The following INSR variants were observed in gnomAD, a reference collection of about 807,000 sequenced individuals.
INSR encodes the protein IR.
In INSR, 67 loss-of-function variants were observed where a neutral mutation model predicts 142.6. The observed-to-expected ratio is 0.47, with a 90% CI of 0.39 to 0.58. The LOEUF (loss-of-function observed/expected upper bound fraction) is 0.58, where lower values mean the gene tolerates loss of function less well. Ranked by LOEUF, INSR falls within the 20% of genes least tolerant of loss-of-function variation. INSR has a pLI of 0.00. For synonymous variants in INSR, 756 were observed against 743.1 expected, an observed-to-expected ratio of 1.02 and a Z score of -0.28; for missense variants, 1,248 against 1,833.2, an observed-to-expected ratio of 0.68 and a Z score of 5.83.
At chr19:7,185,857 AAAGAG>A (rs1344682149) in intron 2 of INSR, among the ~76,000 whole-genome samples, 241 of 142,554 alleles carry the variant, frequency 1.7e-3, no homozygotes, top group African/African-American at 6.3e-3. Context: ...AAAAAAAAAA[AAAGAG>A]AGAGAGAGAC....
At chr19:7,185,747 G>A (rs2144993703) in intron 2 of INSR, among the ~76,000 whole-genome samples, 1 of 145,768 alleles carries the variant, frequency 6.9e-6, no homozygotes, top group Middle Eastern at 3.5e-3. Context: ...GGAGGCTGAG[G>A]CACGAGAATC....
intron 2 of INSR, among the ~76,000 whole-genome samples, chr19:7,200,316 G>A (rs945070925): frequency 1.3e-5 from 2 of 152,280 alleles, no homozygotes; most frequent in South Asian, 2.1e-4. Context: ...TTACCTGCTG[G>A]ATGACGCCCA....
chr19:7,163,047 C>T lies in INSR; in HGVS notation c.2014G>A (p.Asp672Asn). 6.2e-7 allele frequency: 1 copy of T among 1,613,584 alleles called. No individual in the cohort carries two copies. The highest frequency in any genetic ancestry group is 8.5e-7 in the Non-Finnish European group (1 of 1,179,936). Residue 672 changes from aspartate (D) to asparagine (N), a missense_variant, in exon 9 of 22, where the codon GAT becomes AAT. Asp to Asn is a conservative substitution (Grantham distance 23, BLOSUM62 1). This residue lies in a region of INSR where 1,069 missense variants were observed against 1,654.0 expected (regional missense o/e 0.65). Coordinates refer to ENST00000302850, the MANE Select transcript of INSR (RefSeq NM_000208.4). Reference protein sequence around the residue: ...QAEDSELFELDYCLKGLKLPS... With the variant: ...QAEDSELFELNYCLKGLKLPS... ...CTGCACTCACCTTTGAGGCAATAAT[C>T]CAGCTCGAACAGCTCACTGTCTTCC...
rs116083386 is a variant in INSR at position 7,215,049 on chromosome 19, G to A, written c.653-30412C>T. On this transcript the variant is annotated intron_variant, in intron 2 of 21. Coordinates refer to ENST00000302850, the MANE Select transcript of INSR (RefSeq NM_000208.4). ...ATAGCTCACTACAGCCTCGACCCCT[G>A]GGCTCAATGGATCTTCCTGCCTCAG... 3.1e-3 allele frequency among the ~76,000 whole-genome samples: 469 copies of A among 152,000 alleles called. 8 individuals carry two copies. Among genetic ancestry groups the A allele is most frequent in the African/African-American group, 0.011 (453 of 41,470 alleles).
intron 2 of INSR, among the ~76,000 whole-genome samples, chr19:7,221,537 G>A (rs1252453877): frequency 6.6e-6 from 1 of 151,898 alleles, no homozygotes; most frequent in African/African-American, 2.4e-5. Context: ...GCGAAACCCC[G>A]TCCCTACTAA....
intron 2 of INSR, among the ~76,000 whole-genome samples, chr19:7,197,561 GGAGTGTGTGTGTTTGGGTGT>G (rs1974796072): frequency 1.2e-5 from 1 of 84,702 alleles, no homozygotes; most frequent in African/African-American, 5.1e-5. Context: ...TTCCAGAGTG[GGAGTGTGTGTGTTTGGGTGT>G]GTGTGTGTGT....
chr19:7,189,067 C>G (rs1368603779), intron 2 of INSR, among the ~76,000 whole-genome samples: 1 of 152,008 alleles, frequency 6.6e-6, no homozygotes. Context: ...ATCATTAACA[C>G]TGATCTGTCT....
At chr19:7,282,751 C>A (rs1600129590) in intron 1 of INSR, among the ~76,000 whole-genome samples, 1 of 151,644 alleles carries the variant, frequency 6.6e-6, no homozygotes, top group East Asian at 1.9e-4. Context: ...CTTTGGGAGG[C>A]CGAGGTGGGG....
At chr19:7,257,908 C>T (rs572250588) in intron 2 of INSR, among the ~76,000 whole-genome samples, 64 of 152,242 alleles carry the variant, frequency 4.2e-4, no homozygotes, top group African/African-American at 1.5e-3. Flanking sequence ...TTGCAACTTC[C>T]GCCTCCCAGG....
At chr19:7,259,539 C>T (rs1976996311) in intron 2 of INSR, among the ~76,000 whole-genome samples, 1 of 152,142 alleles carries the variant, frequency 6.6e-6, no homozygotes, top group Admixed American at 6.6e-5. Context: ...CCAAGGCAAG[C>T]CCAGAGTAGT....
intron 2 of INSR, among the ~76,000 whole-genome samples, chr19:7,252,557 C>T (rs983652496): frequency 6.6e-6 from 1 of 152,228 alleles, no homozygotes; most frequent in Non-Finnish European, 1.5e-5. Context: ...CACCAGCCGA[C>T]GGGCTTTGCA....
rs113290708 is a variant in INSR, at chr19:7,122,091, G to A, written c.3529+523C>T. Among the ~76,000 whole-genome samples, 377 of 151,050 alleles carry A rather than the reference G, an allele frequency of 2.5e-3. 4 individuals carry two copies. Among genetic ancestry groups the A allele is most frequent in the African/African-American group, 8.0e-3 (328 of 41,076 alleles). ...CCAAGAGGTGGAGGTTCAGTGAGCC[G>A]AGATCCTGTCACTGCACTCCAGCCT... On this transcript the variant is annotated intron_variant, in intron 19 of 21. Transcript: ENST00000302850.
intron 1 of INSR, among the ~76,000 whole-genome samples, chr19:7,275,506 G>A (rs1020355109): frequency 6.6e-6 from 1 of 152,056 alleles, no homozygotes; most frequent in African/African-American, 2.4e-5. Context: ...GTTTCAGCCA[G>A]GTGCGGTGGC....
At chr19:7,161,610 A>G (rs569530754) in intron 9 of INSR, among the ~76,000 whole-genome samples, 4 of 152,174 alleles carry the variant, frequency 2.6e-5, no homozygotes, top group Admixed American at 2.6e-4. Context: ...GCTGCCTTCG[A>G]TCCTTACAAC....
intron 1 of INSR, among the ~76,000 whole-genome samples, chr19:7,275,254 C>T (rs537906750): frequency 6.6e-5 from 10 of 151,250 alleles, no homozygotes; most frequent in African/African-American, 2.2e-4. Flanking sequence ...GGATTACAGG[C>T]GTGAGCCACT....
intron 1 of INSR, among the ~76,000 whole-genome samples, chr19:7,282,215 A>G (rs1247573444): frequency 6.6e-6 from 1 of 151,896 alleles, no homozygotes; most frequent in Non-Finnish European, 1.5e-5. Flanking sequence ...AAATACAAAA[A>G]TTAGCTGGGC....
intron 2 of INSR, among the ~76,000 whole-genome samples, chr19:7,265,563 C>T (rs74953724): frequency 6.6e-6 from 1 of 151,904 alleles, no homozygotes; most frequent in African/African-American, 2.4e-5. Context: ...AGTGAAATCT[C>T]GTCTCTACTA....
intron 2 of INSR, among the ~76,000 whole-genome samples, chr19:7,226,357 C>G (rs1286694556): frequency 6.9e-6 from 1 of 143,900 alleles, no homozygotes; most frequent in Non-Finnish European, 1.5e-5. Flanking sequence ...TTGCAGTGAG[C>G]CAAGATCGCA....
At chr19:7,199,565 T>TTC (rs1324513503) in intron 2 of INSR, among the ~76,000 whole-genome samples, 26 of 142,534 alleles carry the variant, frequency 1.8e-4, no homozygotes, top group Non-Finnish European at 3.8e-4. Flanking sequence ...GACAGCTTTT[T>TTC]TTTTTTTTTT....
Sources: gnomAD v4.1 joint callset for allele counts (sites outside exome capture counted in the v4.1 genomes callset) on GRCh38, gnomAD v4.1.1 for gene constraint, gnomAD v4.1.1 regional missense constraint, MANE v1.5 for transcripts, NCBI Gene and HGNC (gene_info 2026-07-23, HGNC 2026-07-21) for gene names.